Variants in FRK observed in about 807,000 individuals in gnomAD.
FRK encodes tyrosine-protein kinase FRK.
Under a neutral mutation model 56.4 loss-of-function variants are expected in FRK, and 51 were observed. The ratio of observed to expected loss-of-function variants is 0.90; its 90% CI spans 0.72 to 1.14. FRK has a LOEUF of 1.14. FRK is among the 50% of genes most tolerant of loss of function. The pLI is 0.00. For missense variants in FRK, 570 were observed against 601.4 expected, an observed-to-expected ratio of 0.95 and a Z score of 0.55; for synonymous variants, 245 against 217.9, an observed-to-expected ratio of 1.12 and a Z score of -1.10.
intron 1 of FRK, among the ~76,000 whole-genome samples, chr6:116,027,349 T>C (rs560915428): frequency 2.0e-5 from 3 of 152,180 alleles, no homozygotes; most frequent in Admixed American, 6.5e-5. Flanking sequence ...TAATAGTGAA[T>C]ATAAGTGGCC....
chr6:115,992,253 A>G (rs9384970), intron 2 of FRK, among the ~76,000 whole-genome samples: 116,817 of 151,528 alleles, frequency 0.77, 45,845 homozygotes, highest in East Asian at 0.88. Context: ...ACTAAGCATA[A>G]TGGTGTTTGT....
At chr6:116,011,884 TC>T (rs972148417) in intron 1 of FRK, among the ~76,000 whole-genome samples, 2 of 152,060 alleles carry the variant, frequency 1.3e-5, no homozygotes, top group Non-Finnish European at 2.9e-5. Flanking sequence ...ATTATTTCCC[TC>T]CCTTTCCACA....
rs1772007607 is a variant in FRK at position 115,934,328 on chromosome 6, ATTAAGCCTATTTTTGG to A, written c.*8070_*8085del. 6.6e-6 allele frequency: 1 copy of A among 152,220 alleles called. No individual in the cohort carries two copies. The highest frequency in any genetic ancestry group is 2.4e-5 in the African/African-American group (1 of 41,452). 9.4% of individuals were successfully genotyped at this position (152,220 alleles called of 1,614,324 possible). Reference sequence around the variant, plus strand: ...AATCCAATCAGCACATAACATTCACATTAAGCCTATTTTTGGTCCATGGCTGGGCATAGGACCCAAG... The same window carrying A: ...AATCCAATCAGCACATAACATTCACATCCATGGCTGGGCATAGGACCCAAG... On this transcript the variant is annotated 3_prime_UTR_variant, in exon 8 of 8. Coordinates refer to ENST00000606080, the MANE Select transcript of FRK (RefSeq NM_002031.3).
chr6:115,982,308 T>A (rs1774226689), intron 2 of FRK, among the ~76,000 whole-genome samples: 1 of 152,152 alleles, frequency 6.6e-6, no homozygotes, highest in Non-Finnish European at 1.5e-5. Flanking sequence ...TCTGACTGAA[T>A]AATTATACCA....
chr6:115,965,817 G>A (rs1156351426), intron 4 of FRK, among the ~76,000 whole-genome samples: 3 of 45,520 alleles, frequency 6.6e-5, no homozygotes, highest in African/African-American at 2.5e-4. Flanking sequence ...ACCAAACACC[G>A]CATATTCTCA....
the FRK span, among the ~76,000 whole-genome samples, chr6:116,074,620 G>A: frequency 6.6e-6 from 1 of 151,960 alleles, no homozygotes; most frequent in East Asian, 1.9e-4. Context: ...CATGAGGTAG[G>A]ACCATCCATA....
intron 1 of FRK, among the ~76,000 whole-genome samples, chr6:116,049,871 G>A (rs1020307926): frequency 3.9e-5 from 6 of 152,122 alleles, no homozygotes; most frequent in Admixed American, 2.6e-4. Flanking sequence ...TTTCTATGAA[G>A]GTTAGAAAAC....
chr6:115,981,402 T>C (rs960506460), intron 2 of FRK, among the ~76,000 whole-genome samples: 1 of 152,166 alleles, frequency 6.6e-6, no homozygotes, highest in Non-Finnish European at 1.5e-5. Context: ...AATCTAAGTC[T>C]AGCCATATGA....
At chr6:116,082,517 A>C in the FRK span, among the ~76,000 whole-genome samples, 1 of 152,128 alleles carries the variant, frequency 6.6e-6, no homozygotes, top group Admixed American at 6.5e-5. Context: ...CAAGCAGTGA[A>C]GTTAGAAATG....
At chr6:115,956,694 G>C in intron 4 of FRK, 84 bp from the exon 5 acceptor site, 1 of 1,093,636 alleles carries the variant, frequency 9.1e-7, no homozygotes, top group Non-Finnish European at 1.3e-6. Flanking sequence ...CATCAAGATT[G>C]CCTCCTGCTT....
At chr6:116,032,994 A>G (rs1776351942) in intron 1 of FRK, among the ~76,000 whole-genome samples, 1 of 152,166 alleles carries the variant, frequency 6.6e-6, no homozygotes, top group Non-Finnish European at 1.5e-5. Flanking sequence ...ACTGAAATCT[A>G]GAAATCTGTT....
At chr6:116,017,526 C>T (rs901988681) in intron 1 of FRK, among the ~76,000 whole-genome samples, 18 of 152,194 alleles carry the variant, frequency 1.2e-4, no homozygotes, top group African/African-American at 3.9e-4. Context: ...GATTTGCCAA[C>T]AGTTCTTTGC....
rs1375613113 is a variant in FRK at position 115,931,944 on chromosome 6, T to G, written c.*10470A>C. 6.6e-6 allele frequency: 1 copy of G among 152,184 alleles called. No individual in the cohort carries two copies. Among genetic ancestry groups the G allele is most frequent in the Non-Finnish European group, 1.5e-5 (1 of 68,012 alleles). 9.4% of individuals were successfully genotyped at this position (152,184 alleles called of 1,614,324 possible). On this transcript the variant is annotated 3_prime_UTR_variant, in exon 8 of 8. Coordinates refer to ENST00000606080, the MANE Select transcript of FRK (RefSeq NM_002031.3). The stretch of plus-strand genomic sequence containing the variant: ...GAGGTGTGTTTGAGATATAGCACCC[T>G]TTTCTGGAAAAGCTGATTATTCTCC...
At chr6:116,053,219 T>C (rs951338767) in intron 1 of FRK, among the ~76,000 whole-genome samples, 1 of 152,164 alleles carries the variant, frequency 6.6e-6, no homozygotes, top group Non-Finnish European at 1.5e-5. Context: ...TTGGATCTAG[T>C]TGAAACATTC....
At chr6:115,959,986 T>C (rs1241607990) in intron 4 of FRK, among the ~76,000 whole-genome samples, 1 of 151,960 alleles carries the variant, frequency 6.6e-6, no homozygotes, top group Admixed American at 6.6e-5. Context: ...CTAACAGTTA[T>C]TTTGATTACT....
chr6:116,038,566 C>T (rs1776574622), intron 1 of FRK, among the ~76,000 whole-genome samples: 1 of 152,212 alleles, frequency 6.6e-6, no homozygotes, highest in African/African-American at 2.4e-5. Context: ...TTTTTAGTAT[C>T]TGCTGTGAGG....
At chr6:115,988,729 T>C (rs996670239) in intron 2 of FRK, among the ~76,000 whole-genome samples, 12 of 151,988 alleles carry the variant, frequency 7.9e-5, no homozygotes, top group Middle Eastern at 3.2e-3. Flanking sequence ...GATACACTAC[T>C]TGGACTTCAT....
At chr6:116,065,662 G>A (rs957732693), upstream of FRK, among the ~76,000 whole-genome samples, 2 of 152,086 alleles carry the variant, frequency 1.3e-5, no homozygotes, top group Non-Finnish European at 2.9e-5. Context: ...AGACAGAATT[G>A]ACCACTCTCT....
intron 4 of FRK, among the ~76,000 whole-genome samples, chr6:115,959,313 G>GT (rs955809139): frequency 3.3e-5 from 5 of 151,528 alleles, no homozygotes; most frequent in African/African-American, 4.8e-5. Flanking sequence ...AACTATCGTG[G>GT]TTTTTTTTTA....
Sources: allele counts gnomAD v4.1 joint callset (sites outside exome capture counted in the v4.1 genomes callset), GRCh38; gene constraint gnomAD v4.1.1; transcripts MANE v1.5; gene names NCBI Gene and HGNC (gene_info 2026-07-23, HGNC 2026-07-21).